Variants in SSUH2 observed in about 807,000 individuals in gnomAD.
SSUH2 encodes the protein protein SSUH2 homolog.
A neutral mutation model predicts 55.3 loss-of-function variants in SSUH2; 47 were observed. The ratio of observed to expected loss-of-function variants is 0.85; its 90% CI spans 0.67 to 1.08. SSUH2 has a LOEUF of 1.08. SSUH2 is among the 50% of genes least tolerant of loss of function. The probability of loss-of-function intolerance (pLI) is 0.00; values close to 1 mark genes in which losing one functional copy is unlikely to be tolerated. For missense variants in SSUH2, 535 were observed against 490.7 expected (o/e 1.09, Z -0.85); for synonymous variants, 212 against 191.5 (o/e 1.11, Z -0.89).
intron 7 of SSUH2, among the ~76,000 whole-genome samples, chr3:8,656,866 T>G (rs762137180): frequency 2.7e-5 from 3 of 109,844 alleles, no homozygotes; most frequent in Non-Finnish European, 4.2e-5. Flanking sequence ...TTTTTTGGTT[T>G]GTTTGTTTGT....
At chr3:8,675,578 C>A (rs889815799) in intron 3 of SSUH2, among the ~76,000 whole-genome samples, 2 of 126,346 alleles carry the variant, frequency 1.6e-5, no homozygotes, top group African/African-American at 2.8e-5. Context: ...CCACAGGGGT[C>A]GGAACGCAGC....
chr3:8,668,720 G>A (rs1575362822), intron 5 of SSUH2, among the ~76,000 whole-genome samples: 1 of 152,098 alleles, frequency 6.6e-6, no homozygotes, highest in Admixed American at 6.6e-5. Flanking sequence ...GAATTTATTT[G>A]TAATTTTCTC....
intron 3 of SSUH2, among the ~76,000 whole-genome samples, chr3:8,674,033 C>T (rs1263214551): frequency 6.6e-6 from 1 of 152,234 alleles, no homozygotes; most frequent in Admixed American, 6.5e-5. Context: ...AAGAAAACTG[C>T]AGAAGCAGGC....
At chr3:8,671,931 G>A (rs899342046) in exon 4 of SSUH2, 1 of 151,890 alleles carries the variant, frequency 6.6e-6, no homozygotes, top group Admixed American at 6.6e-5. Context: ...ACAGCATGTT[G>A]ACGGGATTGT....
At chr3:8,635,490 A>C in intron 2 of SSUH2, 109 bp from the exon 3 acceptor site, 1 of 851,732 alleles carries the variant, frequency 1.2e-6, no homozygotes, top group Non-Finnish European at 1.8e-6. Flanking sequence ...AGATGAAGAA[A>C]CAGTGATGCA....
upstream of SSUH2, among the ~76,000 whole-genome samples, chr3:8,648,280 G>C (rs1442719559): frequency 6.6e-6 from 1 of 152,168 alleles, no homozygotes; most frequent in Non-Finnish European, 1.5e-5. Context: ...TGGCACCAAG[G>C]CCCTGATGTA....
intron 6 of SSUH2, among the ~76,000 whole-genome samples, chr3:8,660,209 A>G (rs1703338379): frequency 6.6e-6 from 1 of 152,152 alleles, no homozygotes; most frequent in African/African-American, 2.4e-5. Context: ...TGAAAAGGTG[A>G]GAGGAAGGAA....
intron 4 of SSUH2, among the ~76,000 whole-genome samples, chr3:8,633,289 A>G (rs4686282): frequency 0.49 from 74,611 of 151,400 alleles, 19,912 homozygotes; most frequent in East Asian, 0.73. Context: ...AACTACAGGC[A>G]CCCACCACCA....
chr3:8,647,164 T>C (rs887208642), upstream of SSUH2, among the ~76,000 whole-genome samples: 2 of 152,080 alleles, frequency 1.3e-5, no homozygotes, highest in East Asian at 1.9e-4. Context: ...TTGAACATGA[T>C]AGTGAGGAAA....
At chr3:8,640,766 C>T (rs1367166040) in intron 1 of SSUH2, among the ~76,000 whole-genome samples, 1 of 152,122 alleles carries the variant, frequency 6.6e-6, no homozygotes, top group Admixed American at 6.5e-5. Flanking sequence ...TGCCGTGAGA[C>T]CAACATCAAG....
At chr3:8,640,145 G>T in intron 1 of SSUH2, 1 of 302,994 alleles carries the variant, frequency 3.3e-6, no homozygotes, top group Non-Finnish European at 4.8e-6. Flanking sequence ...GGGTTCCAGA[G>T]AAGGATGGTC....
intron 6 of SSUH2, among the ~76,000 whole-genome samples, chr3:8,630,357 C>T (rs962909184): frequency 6.6e-6 from 1 of 152,186 alleles, no homozygotes; most frequent in African/African-American, 2.4e-5. Context: ...CCCTTCACGC[C>T]ACGAATATAT....
intron 6 of SSUH2, 120 bp from the exon 7 acceptor site, chr3:8,629,846 G>A: frequency 2.3e-6 from 2 of 877,544 alleles, no homozygotes; most frequent in Middle Eastern, 2.2e-4. Context: ...AGATGGCACA[G>A]GAAAGAAATG....
Position 8,635,207 on chromosome 3 carries a change from AG to A in SSUH2, c.209+92del. The A allele has an allele frequency of 2.7e-6, 3 of 1,105,730 alleles. No homozygotes were observed. In the South Asian group the frequency reaches 4.6e-5, roughly 17 times the overall value. The allele number at this position is 1,105,730 out of a possible 1,614,324, so 68.5% of individuals were successfully genotyped here. On this transcript the variant is annotated intron_variant, in intron 3 of 11. Coordinates refer to ENST00000544814, the MANE Select transcript of SSUH2 (RefSeq NM_001256748.3). Reference sequence around the variant, plus strand: ...GTCTGGGGTGCAGACGGCCCCCTCCAGGGATCCTGATGCACTGCCAGGGCTG... The same window carrying A: ...GTCTGGGGTGCAGACGGCCCCCTCCAGGATCCTGATGCACTGCCAGGGCTG...
chr3:8,670,540 C>T (rs780474526), intron 5 of SSUH2, among the ~76,000 whole-genome samples: 3 of 151,930 alleles, frequency 2.0e-5, no homozygotes, highest in Non-Finnish European at 4.4e-5. Flanking sequence ...GCGTTGAATA[C>T]GTATGTCATA....
At chr3:8,632,914 T>C (rs527302710) in intron 4 of SSUH2, among the ~76,000 whole-genome samples, 174 of 152,276 alleles carry the variant, frequency 1.1e-3, no homozygotes, top group African/African-American at 4.0e-3. Context: ...AGTGAGGACA[T>C]AGGCTTTGAG....
At position 8,629,676 on chromosome 3, in the gene SSUH2, G is replaced by C. The variant is rs766073066; in HGVS notation, c.576C>G (p.His192Gln). The change falls in exon 7 of 12, where the codon CAC becomes CAG. Residue 192 changes from histidine to glutamine, a missense_variant. Transcript: ENST00000544814. ...ACAGATGACTCACCGTGCCCGCCCCGTGGCAGCCGCTGCACTTGTACCGCC... is the reference window on the plus strand; with the variant it reads ...ACAGATGACTCACCGTGCCCGCCCCCTGGCAGCCGCTGCACTTGTACCGCC... ...GRGRYKCSGC[H>Q]GAGTVRCPSC... 7 of 1,614,144 alleles carry C rather than the reference G, an allele frequency of 4.3e-6. No individual in the cohort carries two copies. In the South Asian group the frequency reaches 7.7e-5, roughly 18 times the overall value.
chr3:8,671,346 A>C (rs1277751389), intron 4 of SSUH2, among the ~76,000 whole-genome samples: 2 of 152,202 alleles, frequency 1.3e-5, no homozygotes, highest in South Asian at 2.1e-4. Context: ...ATTTCCCTAG[A>C]ATATGACGAT....
rs901693526 is a variant in SSUH2 at position 8,668,777 on chromosome 3, C to G, written c.-455+2221G>C. On this transcript the variant is annotated intron_variant, in intron 5 of 18. Transcript: ENST00000317371. Reference sequence around the variant, plus strand: ...ACTCAAGTTCAGGGATTTCATGAGTCTCTTTCACAATATGAAGTTCTTGTT... The same window carrying G: ...ACTCAAGTTCAGGGATTTCATGAGTGTCTTTCACAATATGAAGTTCTTGTT... Among the ~76,000 whole-genome samples the G allele has an allele frequency of 3.9e-5, 6 of 152,296 alleles. No homozygotes were observed. The South Asian group carries it at 1.2e-3, about 32-fold the overall frequency.
Sources: allele counts gnomAD v4.1 joint callset (sites outside exome capture counted in the v4.1 genomes callset), GRCh38; gene constraint gnomAD v4.1.1; transcripts MANE v1.5; gene names NCBI Gene and HGNC (gene_info 2026-07-23, HGNC 2026-07-21).